The following ZFAT variants were observed in gnomAD, a reference collection of about 807,000 sequenced individuals.
ZFAT encodes the protein zinc finger and AT-hook domain containing.
In ZFAT, 64 loss-of-function variants were observed where a neutral mutation model predicts 117.7. That is an observed-to-expected ratio of 0.54 (90% CI 0.44 to 0.67). The LOEUF (loss-of-function observed/expected upper bound fraction) is 0.67. ZFAT is among the 30% of genes least tolerant of loss of function. The probability of loss-of-function intolerance (pLI) is 0.00; values close to 1 mark genes in which losing one functional copy is unlikely to be tolerated. For missense variants in ZFAT, 1,433 were observed against 1,584.5 expected, an observed-to-expected ratio of 0.90 and a Z score of 1.62; for synonymous variants, 679 against 615.0, an observed-to-expected ratio of 1.10 and a Z score of -1.54.
At chr8:134,649,036 G>T (rs1831065358) in intron 2 of ZFAT, among the ~76,000 whole-genome samples, 1 of 151,596 alleles carries the variant, frequency 6.6e-6, no homozygotes, top group Non-Finnish European at 1.5e-5. Context: ...AAACCACATG[G>T]TCATCTCAAC....
At chr8:134,798,324 A>G in the ZFAT span, 1 of 152,118 alleles carries the variant, frequency 6.6e-6, no homozygotes, top group African/African-American at 2.4e-5. Context: ...TATTAATACC[A>G]AATGGCAATA....
At chr8:134,636,892 G>A (rs1288610675) in intron 3 of ZFAT, among the ~76,000 whole-genome samples, 2 of 152,218 alleles carry the variant, frequency 1.3e-5, no homozygotes, top group Non-Finnish European at 2.9e-5. Flanking sequence ...GGAGGCACCC[G>A]ATAGTCTTTA....
chr8:134,650,249 C>T (rs777443425), intron 2 of ZFAT, among the ~76,000 whole-genome samples: 1 of 151,734 alleles, frequency 6.6e-6, no homozygotes. Flanking sequence ...CCTCAGCCTC[C>T]CGAGAAGCTG....
the ZFAT span, among the ~76,000 whole-genome samples, chr8:134,721,572 C>T: frequency 6.6e-6 from 1 of 152,142 alleles, no homozygotes; most frequent in African/African-American, 2.4e-5. Flanking sequence ...CTCAGAGATG[C>T]CAAGCCTTCT....
At chr8:134,541,030 G>A (rs79929107) in intron 11 of ZFAT, among the ~76,000 whole-genome samples, 1,881 of 152,284 alleles carry the variant, frequency 0.012, 37 homozygotes, top group African/African-American at 0.043. Flanking sequence ...GCAGGACTCC[G>A]GGCCCTGGGT....
intron 13 of ZFAT, among the ~76,000 whole-genome samples, chr8:134,516,107 C>T (rs1275465932): frequency 6.6e-6 from 1 of 152,172 alleles, no homozygotes; most frequent in Non-Finnish European, 1.5e-5. Context: ...TGGCTTTTCT[C>T]CCCTTGTAGT....
At chr8:134,595,983 C>A (rs1826896952) in intron 7 of ZFAT, among the ~76,000 whole-genome samples, 1 of 152,226 alleles carries the variant, frequency 6.6e-6, no homozygotes, top group South Asian at 2.1e-4. Context: ...GCAGTAAACA[C>A]TGAAACTAAT....
the ZFAT span, among the ~76,000 whole-genome samples, chr8:134,788,564 G>A: frequency 6.6e-6 from 1 of 152,064 alleles, no homozygotes; most frequent in African/African-American, 2.4e-5. Context: ...AAGAAAATGT[G>A]AATTATGTTT....
chr8:134,535,384 A>G (rs1159858280), intron 11 of ZFAT, among the ~76,000 whole-genome samples: 2 of 152,106 alleles, frequency 1.3e-5, no homozygotes, highest in East Asian at 3.9e-4. Flanking sequence ...ACAGAAACCC[A>G]CAGCCATCTT....
chr8:134,719,191 A>G, the ZFAT span, among the ~76,000 whole-genome samples: 1 of 152,220 alleles, frequency 6.6e-6, no homozygotes, highest in Non-Finnish European at 1.5e-5. Flanking sequence ...CCATATGCAT[A>G]TACTGCCTTT....
At chr8:134,767,843 T>C in the ZFAT span, among the ~76,000 whole-genome samples, 1 of 152,226 alleles carries the variant, frequency 6.6e-6, no homozygotes, top group African/African-American at 2.4e-5. Context: ...ATTTCTATGG[T>C]CTTTGAATCT....
intron 1 of ZFAT, among the ~76,000 whole-genome samples, chr8:134,703,921 G>A (rs1285322465): frequency 9.2e-5 from 14 of 152,162 alleles, no homozygotes; most frequent in Admixed American, 9.2e-4. Context: ...AACAGATGGT[G>A]GAAAAGAGTA....
chr8:134,641,832 T>C (rs1830602064), intron 2 of ZFAT, among the ~76,000 whole-genome samples: 1 of 152,154 alleles, frequency 6.6e-6, no homozygotes, highest in Admixed American at 6.5e-5. Context: ...AATCCACAGT[T>C]TGGGGACAAC....
In ZFAT at chr8:134,602,301, A is replaced by G; in HGVS notation, c.1418T>C (p.Leu473Pro). The change falls in exon 6 of 16, where the codon CTG becomes CCG. Residue 473 changes from leucine (L) to proline (P), a missense_variant. Physicochemically the swap from Leu to Pro is moderately conservative, Grantham distance 98. This residue lies in a region of ZFAT where 372 missense variants were observed against 355.6 expected (regional missense o/e 1.05). Coordinates refer to ENST00000377838, the MANE Select transcript of ZFAT (RefSeq NM_020863.4). ...GTGCACCTCTTTGATGTGGGTGCGC[A>G]GCCTGATGGAGCTGACGAACTTCTT... is the stretch of plus-strand genomic sequence containing the variant. ...CRKKFVSSIR[L>P]RTHIKEVHGA... is the part of the protein sequence containing the mutation. 1.2e-6 allele frequency: 2 copies of G among 1,613,978 alleles called. No homozygotes were observed. Among genetic ancestry groups the G allele is most frequent in the Non-Finnish European group, 1.7e-6 (2 of 1,180,056 alleles).
At chr8:134,530,017 T>C (rs1276640747) in intron 12 of ZFAT, among the ~76,000 whole-genome samples, 4 of 152,320 alleles carry the variant, frequency 2.6e-5, no homozygotes, top group Admixed American at 6.5e-5. Flanking sequence ...CACTGTGCAC[T>C]GAACCCCTCC....
At position 134,600,560 on chromosome 8, in the gene ZFAT, C is replaced by T. The variant is rs1200862781; in HGVS notation, c.2351G>A (p.Cys784Tyr). The T allele has an allele frequency of 1.9e-6, 3 of 1,613,928 alleles. No homozygotes were observed. The highest frequency in any genetic ancestry group is 1.3e-5 in the African/African-American group (1 of 74,872). The change falls in exon 7 of 16, where the codon TGC becomes TAC. Residue 784 changes from cysteine (C) to tyrosine (Y), a missense_variant. Physicochemically the swap from Cys to Tyr is radical, Grantham distance 194. Coordinates refer to ENST00000377838, the MANE Select transcript of ZFAT (RefSeq NM_020863.4). ...QCHYSSITKN[C>Y]LKRHVIQKHS... ...TTTCTGAATTACGTGGCGTTTAAGG[C>T]AGTTTTTGGTGATGGAAGAATAATG... is the stretch of plus-strand genomic sequence containing the variant.
Position 134,600,613 on chromosome 8 carries a change from C to A in ZFAT, c.2298G>T (p.Arg766=), listed in dbSNP as rs1489879547. ...ACTGAGAGCAATAATACAGATGTTCCCGGGTGTGGGTGCGGACATGCATAT... is the reference window on the plus strand; with the variant it reads ...ACTGAGAGCAATAATACAGATGTTCACGGGTGTGGGTGCGGACATGCATAT... ...HFDMHVRTHT[R]EHLYYCSQCH... is the part of the protein sequence containing the mutation. The change falls in exon 7 of 16, where the codon CGG becomes CGT. Residue 766 remains arginine, a synonymous_variant. Coordinates refer to ENST00000377838, the MANE Select transcript of ZFAT (RefSeq NM_020863.4). 12 of 1,613,424 alleles carry A rather than the reference C, an allele frequency of 7.4e-6. 1 individual carries two copies. The highest frequency in any genetic ancestry group is 6.7e-5 in the African/African-American group (5 of 74,854).
At chr8:134,670,796 A>C (rs866818231) in intron 1 of ZFAT, among the ~76,000 whole-genome samples, 1 of 152,382 alleles carries the variant, frequency 6.6e-6, no homozygotes, top group Non-Finnish European at 1.5e-5. Context: ...AACCTTCAAA[A>C]ACTCAATGAA....
At chr8:134,722,316 T>C in the ZFAT span, among the ~76,000 whole-genome samples, 1 of 152,168 alleles carries the variant, frequency 6.6e-6, no homozygotes, top group African/African-American at 2.4e-5. Flanking sequence ...GGGAATTTTA[T>C]CATAAGGGGA....
Sources: gnomAD v4.1 joint callset for allele counts (sites outside exome capture counted in the v4.1 genomes callset) on GRCh38, gnomAD v4.1.1 for gene constraint, gnomAD v4.1.1 regional missense constraint, MANE v1.5 for transcripts, NCBI Gene and HGNC (gene_info 2026-07-23, HGNC 2026-07-21) for gene names.